TBC1D1: variants seen among roughly 807,000 people sequenced by gnomAD.
TBC1D1 encodes the protein TBC1 (tre-2/USP6, BUB2, cdc16) domain family, member 1.
A neutral mutation model predicts 125.6 loss-of-function variants in TBC1D1; 89 were observed. That is an observed-to-expected ratio of 0.71 (90% confidence interval 0.60 to 0.85). The LOEUF is 0.85. Ranked by LOEUF, TBC1D1 falls within the 40% of genes least tolerant of loss-of-function variation. TBC1D1 has a pLI of 0.00. For synonymous variants in TBC1D1, 565 were observed against 564.1 expected (o/e 1.00, Z -0.02); for missense variants, 1,377 against 1,469.2 (o/e 0.94, Z 1.03).
At chr4:38,118,430 G>GAGA in intron 17 of TBC1D1, 1 of 516,922 alleles carries the variant, frequency 1.9e-6, no homozygotes, top group South Asian at 2.3e-5. Context: ...GATCCGATCC[G>GAGA]TGTAGATCCG....
intron 2 of TBC1D1, among the ~76,000 whole-genome samples, chr4:37,967,004 A>G (rs1731202074): frequency 6.6e-6 from 1 of 152,228 alleles, no homozygotes; most frequent in Non-Finnish European, 1.5e-5. Context: ...AGTTACAACA[A>G]AGGAAAAAAT....
chr4:38,035,443 C>A, intron 7 of TBC1D1, 145 bp from the exon 8 acceptor site: 1 of 629,684 alleles, frequency 1.6e-6, no homozygotes, highest in Non-Finnish European at 2.7e-6. Flanking sequence ...ATTCTCTCTA[C>A]TTTTAGGATC....
chr4:38,129,954 A>T (rs1765319224), intron 18 of TBC1D1, among the ~76,000 whole-genome samples: 1 of 152,256 alleles, frequency 6.6e-6, no homozygotes, highest in Admixed American at 6.5e-5. Flanking sequence ...TTGGCGAAAC[A>T]TATCCCAAGC....
intron 15 of TBC1D1, among the ~76,000 whole-genome samples, chr4:38,112,766 GCTC>G (rs1232408645): frequency 6.6e-6 from 1 of 152,190 alleles, no homozygotes; most frequent in Non-Finnish European, 1.5e-5. Context: ...CCAGACCCTG[GCTC>G]CAGGGACTAT....
At chr4:37,898,293 T>G (rs1715073771) in intron 1 of TBC1D1, among the ~76,000 whole-genome samples, 1 of 152,120 alleles carries the variant, frequency 6.6e-6, no homozygotes, top group Non-Finnish European at 1.5e-5. Flanking sequence ...ATACATGCCC[T>G]AAAACACCTT....
At position 37,911,123 on chromosome 4, in the gene TBC1D1, CCCT is replaced by C. The variant is rs1406804418; in HGVS notation, c.417+8618_417+8620del. On this transcript the variant is annotated intron_variant, in intron 2 of 19. Transcript: ENST00000261439. ...CATCACAGAGTGACCGTAGGTTCTCCCCTCCTCCTTTTTTTTTTTTTTTTTTTT... is the reference window on the plus strand; with the variant it reads ...CATCACAGAGTGACCGTAGGTTCTCCCCTCCTTTTTTTTTTTTTTTTTTTT... Among the ~76,000 whole-genome samples, 14 of 143,360 alleles carry C rather than the reference CCCT, an allele frequency of 9.8e-5. 1 individual carries two copies. The East Asian group carries it at 2.8e-3, about 29-fold the overall frequency. 94.0% of individuals were successfully genotyped at this position (143,360 alleles called of 152,430 possible). A position where few individuals can be genotyped will look rare whatever the true frequency, so the allele number is the denominator to read the frequency against.
chr4:38,087,553 C>G (rs1394566363), intron 12 of TBC1D1, among the ~76,000 whole-genome samples: 9 of 151,994 alleles, frequency 5.9e-5, no homozygotes, highest in Non-Finnish European at 1.2e-4. Context: ...TTAAGAATAT[C>G]CAAGTCAGCT....
At chr4:38,041,952 T>C (rs544516936) in intron 8 of TBC1D1, among the ~76,000 whole-genome samples, 4 of 152,236 alleles carry the variant, frequency 2.6e-5, no homozygotes, top group African/African-American at 7.2e-5. Flanking sequence ...GGCAGGTGGA[T>C]CATTTAAGGC....
chr4:37,902,411 C>A lies in TBC1D1; in HGVS notation c.316C>A (p.His106Asn), dbSNP rs1378760314. ...GCCTCAGCGTGTTCACAAACTGATT[C>A]ACAACAGTCATGACCCAAGTTACTT... The change falls in exon 2 of 20, where the codon CAC becomes AAC. Residue 106 changes from histidine (H) to asparagine (N), a missense_variant. His to Asn is a moderately conservative substitution (Grantham distance 68). Transcript: ENST00000261439. The A allele has an allele frequency of 6.2e-7, 1 of 1,614,178 alleles. No individual in the cohort carries two copies. The highest frequency in any genetic ancestry group is 8.5e-7 in the Non-Finnish European group (1 of 1,180,030).
chr4:37,935,457 A>G (rs573012121), intron 2 of TBC1D1, among the ~76,000 whole-genome samples: 123 of 152,262 alleles, frequency 8.1e-4, no homozygotes, highest in African/African-American at 2.9e-3. Context: ...GCTCTCCTTC[A>G]TCATCCCAGA....
At chr4:38,032,114 T>G (rs1262650332) in intron 7 of TBC1D1, among the ~76,000 whole-genome samples, 1 of 151,132 alleles carries the variant, frequency 6.6e-6, no homozygotes, top group African/African-American at 2.4e-5. Context: ...AGGTCAGGAG[T>G]TCAAGACTAG....
intron 2 of TBC1D1, among the ~76,000 whole-genome samples, chr4:37,923,113 C>T (rs997886689): frequency 1.3e-5 from 2 of 152,154 alleles, no homozygotes; most frequent in African/African-American, 2.4e-5. Flanking sequence ...CCTAGCCCCC[C>T]ACCCCTTGAC....
intron 2 of TBC1D1, among the ~76,000 whole-genome samples, chr4:37,906,240 C>T (rs1456117852): frequency 6.6e-6 from 1 of 152,130 alleles, no homozygotes; most frequent in Non-Finnish European, 1.5e-5. Flanking sequence ...CTCTGCCTCC[C>T]GGGCTCAAGC....
intron 18 of TBC1D1, among the ~76,000 whole-genome samples, chr4:38,129,440 G>A (rs1343851134): frequency 6.6e-6 from 1 of 152,216 alleles, no homozygotes; most frequent in Admixed American, 6.5e-5. Context: ...CTCACATGCA[G>A]TGGTAATAAC....
At chr4:37,989,114 C>T (rs1209910058) in intron 2 of TBC1D1, among the ~76,000 whole-genome samples, 2 of 152,174 alleles carry the variant, frequency 1.3e-5, no homozygotes, top group African/African-American at 4.8e-5. Flanking sequence ...CTTTCCAGAT[C>T]TTTTCCTTGA....
chr4:37,955,666 G>T (rs79185253), intron 2 of TBC1D1, among the ~76,000 whole-genome samples: 1 of 152,124 alleles, frequency 6.6e-6, no homozygotes, highest in Non-Finnish European at 1.5e-5. Context: ...GGTAAAGAGG[G>T]TCAACTGTAT....
At chr4:37,965,742 T>G (rs1343688126) in intron 2 of TBC1D1, among the ~76,000 whole-genome samples, 2 of 152,004 alleles carry the variant, frequency 1.3e-5, no homozygotes, top group Non-Finnish European at 2.9e-5. Context: ...ATTTATTTAT[T>G]TATTTATTTA....
intron 2 of TBC1D1, among the ~76,000 whole-genome samples, chr4:37,978,045 A>T (rs965687514): frequency 6.6e-6 from 1 of 152,226 alleles, no homozygotes; most frequent in East Asian, 1.9e-4. Context: ...TTCAAAGGGC[A>T]TGTTCTGAGG....
At chr4:38,068,112 G>T (rs758100353) in intron 12 of TBC1D1, among the ~76,000 whole-genome samples, 4 of 152,190 alleles carry the variant, frequency 2.6e-5, no homozygotes, top group Non-Finnish European at 5.9e-5. Context: ...TTCGCCTTTG[G>T]CTTCCCCTCC....
Sources: gnomAD v4.1 joint callset for allele counts (sites outside exome capture counted in the v4.1 genomes callset) on GRCh38, gnomAD v4.1.1 for gene constraint, MANE v1.5 for transcripts, NCBI Gene and HGNC (gene_info 2026-07-23, HGNC 2026-07-21) for gene names.